Variants in PLD4 observed in about 807,000 individuals in gnomAD.
PLD4 encodes the protein phospholipase D family member 4.
PLD4 carries 54 observed loss-of-function variants against 52.3 expected under a neutral mutation model. The observed-to-expected ratio is 1.03, with a 90% CI of 0.83 to 1.30. PLD4 has a LOEUF of 1.30. Ranked by LOEUF, PLD4 falls within the 50% of genes most tolerant of loss-of-function variation. PLD4 has a pLI of 0.00. For missense variants in PLD4, 731 were observed against 671.1 expected, an observed-to-expected ratio of 1.09 and a Z score of -0.99; for synonymous variants, 264 against 286.5, an observed-to-expected ratio of 0.92 and a Z score of 0.79.
intron 7 of PLD4, 23 bp downstream of exon 7, chr14:104,930,965 C>A: frequency 1.2e-6 from 2 of 1,607,520 alleles, no homozygotes; most frequent in Non-Finnish European, 1.7e-6. Context: ...GAGAAGGAGC[C>A]CATCAGAGGC....
chr14:104,926,546 C>T (rs766992352), intron 1 of PLD4, among the ~76,000 whole-genome samples: 8 of 152,234 alleles, frequency 5.3e-5, no homozygotes, highest in Admixed American at 1.3e-4. Context: ...GCCCTCTCCA[C>T]GCCTAGCCTC....
In PLD4 at chr14:104,932,945, A is replaced by C; in HGVS notation, c.1502A>C (p.Asp501Ala). Residue 501 changes from aspartate to alanine, a missense_variant, in exon 11 of 11, where the codon GAC becomes GCC. Asp to Ala is a moderately radical substitution (Grantham distance 126). Transcript: ENST00000392593. The surrounding 1 kb of genome is among the most constrained non-coding windows in gnomAD (Gnocchi z 6.5). ...VGLDGQAPGQ[D>A]CVWQG ...CTGGACGGACAGGCTCCGGGCCAGG[A>C]CTGCGTTTGGCAGGGCTGAGGGGGG... 1.9e-6 allele frequency: 3 copies of C among 1,594,398 alleles called. No individual in the cohort carries two copies. Among genetic ancestry groups the C allele is most frequent in the Non-Finnish European group, 2.6e-6 (3 of 1,172,212 alleles).
chr14:104,936,429 C>T (rs1566892913), downstream of PLD4: 1 of 152,220 alleles, frequency 6.6e-6, no homozygotes. Context: ...TCTATGTGCC[C>T]TAACTTGGAT....
At chr14:104,926,038 G>A (rs369516707) in intron 1 of PLD4, among the ~76,000 whole-genome samples, 6 of 152,150 alleles carry the variant, frequency 3.9e-5, no homozygotes, top group East Asian at 3.9e-4. Context: ...GCCCTGACCC[G>A]TGGGAGGACA....
intron 3 of PLD4, among the ~76,000 whole-genome samples, 178 bp downstream of exon 3, chr14:104,928,044 C>A (rs2140797728): frequency 6.6e-6 from 1 of 152,242 alleles, no homozygotes; most frequent in African/African-American, 2.4e-5. Context: ...GGGGACGGGG[C>A]AGGCGTGTGG....
chr14:104,929,557 A>C, intron 5 of PLD4, 130 bp downstream of exon 5: 1 of 1,359,912 alleles, frequency 7.4e-7, no homozygotes. Context: ...ACACCCCAGG[A>C]GGGCAGGACC....
At chr14:104,927,111 C>T (rs1566887237) in intron 1 of PLD4, 30 bp from the exon 2 acceptor site, 1 of 1,522,724 alleles carries the variant, frequency 6.6e-7, no homozygotes. Flanking sequence ...AGAGCTGGAG[C>T]TGCTGGTGAT....
At chr14:104,935,585 T>C (rs1284925257), downstream of PLD4, 1 of 152,234 alleles carries the variant, frequency 6.6e-6, no homozygotes, top group Non-Finnish European at 1.5e-5. Flanking sequence ...GACCTGTGCC[T>C]TGTTGTAACC....
intron 8 of PLD4, 47 bp from the exon 9 acceptor site, chr14:104,931,965 T>A (rs747778753): frequency 5.1e-5 from 78 of 1,531,488 alleles, no homozygotes; most frequent in Non-Finnish European, 6.8e-5. Context: ...CTGGGACCCC[T>A]ATCGGGCCCG....
chr14:104,928,635 C>T (rs545698932), intron 3 of PLD4, 114 bp from the exon 4 acceptor site: 24 of 1,156,630 alleles, frequency 2.1e-5, no homozygotes, highest in African/African-American at 1.1e-4. Flanking sequence ...GGGCTCATCC[C>T]GGGGGCCACC....
Position 104,933,059 on chromosome 14 carries a change from C to G in PLD4, c.*95C>G. 1 of 1,354,208 alleles carries G rather than the reference C, an allele frequency of 7.4e-7. No homozygotes were observed. Among genetic ancestry groups the G allele is most frequent in the East Asian group, 2.8e-5 (1 of 36,284 alleles). 83.9% of individuals were successfully genotyped at this position (1,354,208 alleles called of 1,614,324 possible). ...CAGCCGCTTCCTCCCGCAAGCAGCC[C>G]GGGTCCGCACTGCGCCAGGAGCCGC... On this transcript the variant is annotated 3_prime_UTR_variant, in exon 11 of 11. Transcript: ENST00000392593.
In PLD4 at chr14:104,932,433, G is replaced by C; in HGVS notation, c.1321+78G>C. On this transcript the variant is annotated intron_variant, in intron 10 of 10. Coordinates refer to ENST00000392593, the MANE Select transcript of PLD4 (RefSeq NM_138790.5). The surrounding 1 kb of genome is among the most constrained non-coding windows in gnomAD (Gnocchi z 6.5). ...GAGGGAGGCACTGGCTTTGTGACCG[G>C]CGTGGACACCTCAGGAGGGAGGGGC... The C allele has an allele frequency of 6.7e-7, 1 of 1,486,866 alleles. No individual in the cohort carries two copies. Among genetic ancestry groups the C allele is most frequent in the Non-Finnish European group, 9.3e-7 (1 of 1,072,132 alleles). The allele number at this position is 1,486,866 out of a possible 1,614,324, so 92.1% of individuals were successfully genotyped here.
At position 104,931,885 on chromosome 14, in the gene PLD4, G is replaced by T; in HGVS notation, c.1056G>T (p.Pro352=). Residue 352 remains proline (P), a splice_region_variant and synonymous_variant, in exon 8 of 11, where the codon CCG becomes CCT. Coordinates refer to ENST00000392593, the MANE Select transcript of PLD4 (RefSeq NM_138790.5). Reference sequence around the variant, plus strand: ...CCACCACGCGCTTCAGCCACCCCCCGAGGTAGGTCTGAGTGGGAGGTGGGC... The same window carrying T: ...CCACCACGCGCTTCAGCCACCCCCCTAGGTAGGTCTGAGTGGGAGGTGGGC... The part of the protein sequence containing the change: ...YFPTTRFSHP[P]RYWPVLDNAL... 1 of 1,538,466 alleles carries T rather than the reference G, an allele frequency of 6.5e-7. No homozygotes were observed. The highest frequency in any genetic ancestry group is 8.8e-7 in the Non-Finnish European group (1 of 1,139,132).
In PLD4 at chr14:104,929,213, T is replaced by C. The variant is rs556579128; in HGVS notation, c.469-94T>C. The C allele has an allele frequency of 2.3e-4, 350 of 1,520,554 alleles. 4 individuals are homozygous for C. In the South Asian group the frequency reaches 4.2e-3, roughly 18 times the overall value. The allele number at this position is 1,520,554 out of a possible 1,614,324, so 94.2% of individuals were successfully genotyped here. A position where few individuals can be genotyped will look rare whatever the true frequency, so the allele number is the denominator to read the frequency against. On this transcript the variant is annotated intron_variant, in intron 4 of 10. Transcript: ENST00000392593. Reference sequence around the variant, plus strand: ...CCTGACCTTGAGCTGTGGGCAGTCATAGGTGGGCCTCCTGAGGAGGACATG... The same window carrying C: ...CCTGACCTTGAGCTGTGGGCAGTCACAGGTGGGCCTCCTGAGGAGGACATG...
chr14:104,929,322 C>A lies in PLD4; in HGVS notation c.484C>A (p.Gln162Lys). 1 of 1,580,166 alleles carries A rather than the reference C, an allele frequency of 6.3e-7. No individual in the cohort carries two copies. Residue 162 changes from glutamine to lysine, a missense_variant, in exon 5 of 11, where the codon CAG becomes AAG. Coordinates refer to ENST00000392593, the MANE Select transcript of PLD4 (RefSeq NM_138790.5). Reference sequence around the variant, plus strand: ...GGCCTTGCAGGGAGAGGCTCTTCTGCAGAAGCTGCAGCAGCTGCTGGGCAG... The same window carrying A: ...GGCCTTGCAGGGAGAGGCTCTTCTGAAGAAGCTGCAGCAGCTGCTGGGCAG... ...SSSQLGEALL[Q>K]KLQQLLGRNI...
In PLD4 at chr14:104,930,107, T is replaced by C; in HGVS notation, c.717+2T>C. ...ATGGACTGGCGGTCTCTGACGCAGG[T>C]GAGTGCCAGGGCCCTAACACAGGAG... On this transcript the variant is annotated splice_donor_variant, in intron 6 of 10. Transcript: ENST00000392593. LOFTEE classifies it high-confidence loss of function. 6.2e-7 allele frequency: 1 copy of C among 1,613,174 alleles called. No individual in the cohort carries two copies.
At position 104,928,903 on chromosome 14, in the gene PLD4, A is replaced by G. The variant is rs1897546721; in HGVS notation, c.439A>G (p.Ile147Val). Residue 147 changes from isoleucine (I) to valine (V), a missense_variant, in exon 4 of 11, where the codon ATC becomes GTC. Coordinates refer to ENST00000392593, the MANE Select transcript of PLD4 (RefSeq NM_138790.5). ...CTACTGGTCCCTCACAGGGCCTGAC[A>G]TCGGGGTCAACGACTCGTCTTCCCA... The part of the protein sequence containing the change: ...SYYWSLTGPD[I>V]GVNDSSSQLG... 2 of 1,605,774 alleles carry G rather than the reference A, an allele frequency of 1.2e-6. No individual in the cohort carries two copies. The highest frequency in any genetic ancestry group is 1.7e-5 in the Admixed American group (1 of 59,808).
intron 8 of PLD4, 46 bp from the exon 9 acceptor site, chr14:104,931,966 A>G: frequency 1.3e-6 from 2 of 1,532,058 alleles, no homozygotes; most frequent in South Asian, 1.3e-5. Context: ...TGGGACCCCT[A>G]TCGGGCCCGG....
At chr14:104,935,640 T>C (rs187243348), downstream of PLD4, 2 of 152,380 alleles carry the variant, frequency 1.3e-5, no homozygotes, top group Admixed American at 1.3e-4. Flanking sequence ...TGACACCTTG[T>C]GATCATGTGA....
Sources: gnomAD v4.1 joint callset for allele counts (sites outside exome capture counted in the v4.1 genomes callset) on GRCh38, gnomAD v4.1.1 for gene constraint, Gnocchi (gnomAD v3.1) non-coding constraint, MANE v1.5 for transcripts, NCBI Gene and HGNC (gene_info 2026-07-23, HGNC 2026-07-21) for gene names.